The following DNAH2 variants were observed in gnomAD, a reference collection of about 807,000 sequenced individuals.
DNAH2 encodes the protein axonemal beta dynein heavy chain 2.
A neutral mutation model predicts 523.5 loss-of-function variants in DNAH2; 323 were observed. The ratio of observed to expected loss-of-function variants is 0.62; its 90% CI spans 0.56 to 0.68. DNAH2 has a LOEUF of 0.68. DNAH2 is among the 30% of genes least tolerant of loss of function. DNAH2 has a pLI of 0.00. For missense variants in DNAH2, 4,907 were observed against 5,701.5 expected (o/e 0.86, Z 4.49); for synonymous variants, 2,093 against 2,177.4 (o/e 0.96, Z 1.08).
At position 7,796,537 on chromosome 17, in the gene DNAH2, C is replaced by T; in HGVS notation, c.7748C>T (p.Pro2583Leu). Reference protein sequence around the residue: ...KLQDFEEEVKPIGNVVTEATL... With the variant: ...KLQDFEEEVKLIGNVVTEATL... Reference sequence around the variant, plus strand: ...CAGGACTTTGAGGAAGAGGTGAAGCCCATTGGGAACGTGGTGACAGAGGCC... The same window carrying T: ...CAGGACTTTGAGGAAGAGGTGAAGCTCATTGGGAACGTGGTGACAGAGGCC... The change falls in exon 50 of 86, where the codon CCC (proline) becomes CTC (leucine). Residue 2583 changes from proline to leucine, a missense_variant. Pro to Leu is a moderately conservative substitution (Grantham distance 98). Around this residue, in one of 3 missense-constraint regions of DNAH2, gnomAD observed 250 missense variants for 371.3 expected, o/e 0.67. Coordinates refer to ENST00000572933, the MANE Select transcript of DNAH2 (RefSeq NM_020877.5). The T allele has an allele frequency of 1.2e-6, 2 of 1,613,494 alleles. No individual in the cohort carries two copies. Among genetic ancestry groups the T allele is most frequent in the Non-Finnish European group, 1.7e-6 (2 of 1,179,918 alleles).
rs201225605 is a variant in DNAH2, at chr17:7,804,514, G to A, written c.9183+48G>A. The A allele has an allele frequency of 7.4e-5, 118 of 1,596,040 alleles. 2 individuals carry two copies. In the East Asian group the frequency reaches 2.3e-3, roughly 30 times the overall value. The stretch of plus-strand genomic sequence containing the variant: ...CCGTGCCCCACTCCCACCAGTGCCG[G>A]CTACTGCGTCAGGGAACCCATGTTC... On this transcript the variant is annotated intron_variant, in intron 59 of 85. Transcript: ENST00000572933.
rs1382338559 is a variant in DNAH2, at chr17:7,770,807, C to T, written c.4236C>T (p.Thr1412=). The change falls in exon 27 of 86, where the codon ACC becomes ACT. Residue 1412 remains threonine, a synonymous_variant. Transcript: ENST00000572933. ...ALEDNQVALS[T]MKASRFVKAF... is the part of the protein sequence containing the mutation. Reference sequence around the variant, plus strand: ...AAGATAACCAGGTAGCTCTGTCTACCATGAAGGCATCACGCTTTGTCAAGG... The same window carrying T: ...AAGATAACCAGGTAGCTCTGTCTACTATGAAGGCATCACGCTTTGTCAAGG... 2 of 1,614,144 alleles carry T rather than the reference C, an allele frequency of 1.2e-6. No individual in the cohort carries two copies. The highest frequency in any genetic ancestry group is 2.7e-5 in the African/African-American group (2 of 75,034).
At chr17:7,785,372 G>A (rs527669034) in intron 39 of DNAH2, among the ~76,000 whole-genome samples, 1 of 152,090 alleles carries the variant, frequency 6.6e-6, no homozygotes, top group Non-Finnish European at 1.5e-5. Context: ...CAAAGAGTTG[G>A]GATTACAGAC....
At chr17:7,753,556 T>C (rs1210885856) in intron 12 of DNAH2, among the ~76,000 whole-genome samples, 1 of 152,078 alleles carries the variant, frequency 6.6e-6, no homozygotes, top group East Asian at 1.9e-4. Context: ...GAGAGGAGGA[T>C]ACTCCTACTG....
rs1173447440 is a variant in DNAH2 at position 7,823,865 on chromosome 17, A to G, written c.11361A>G (p.Gln3787=). ...GEWENACNEM[Q]RMLIVRSLRQ... is the part of the protein sequence containing the mutation. ...GGGAAAATGCCTGCAATGAAATGCA[A>G]CGGATGCTGATCGTTCGCTCCCTGC... The change falls in exon 75 of 86, where the codon CAA becomes CAG. Residue 3787 remains glutamine, a synonymous_variant. Coordinates refer to ENST00000572933, the MANE Select transcript of DNAH2 (RefSeq NM_020877.5). 1 of 1,614,128 alleles carries G rather than the reference A, an allele frequency of 6.2e-7. No individual in the cohort carries two copies. The highest frequency in any genetic ancestry group is 8.5e-7 in the Non-Finnish European group (1 of 1,180,020).
rs2078179614 is a variant in DNAH2, at chr17:7,831,685, A to G, written c.12636A>G (p.Lys4212=). The G allele has an allele frequency of 6.2e-7, 1 of 1,614,170 alleles. No homozygotes were observed. The highest frequency in any genetic ancestry group is 1.7e-5 in the Admixed American group (1 of 60,012). Reference sequence around the variant, plus strand: ...GGTTCTCACTGACAGACCTAGAGAAAGGCATCCAGGGTCTCATCGTCATGT... The same window carrying G: ...GGTTCTCACTGACAGACCTAGAGAAGGGCATCCAGGGTCTCATCGTCATGT... ...TILFSLTDLE[K]GIQGLIVMST... Residue 4212 remains lysine, a synonymous_variant, in exon 82 of 86, where the codon AAA becomes AAG. Coordinates refer to ENST00000572933, the MANE Select transcript of DNAH2 (RefSeq NM_020877.5). The surrounding 1 kb of genome is among the most constrained non-coding windows in gnomAD (Gnocchi z 4.2).
At chr17:7,723,141 T>C (rs946718272) in intron 2 of DNAH2, among the ~76,000 whole-genome samples, 21 of 148,486 alleles carry the variant, frequency 1.4e-4, no homozygotes, top group Non-Finnish European at 3.1e-4. Flanking sequence ...GGCTAATTTT[T>C]TGTATTTTTT....
chr17:7,738,994 C>T (rs1355238551), intron 8 of DNAH2: 11 of 702,712 alleles, frequency 1.6e-5, no homozygotes, highest in Admixed American at 8.0e-5. Context: ...CTTTGTGCAG[C>T]GCTGCAAGGA....
intron 72 of DNAH2, among the ~76,000 whole-genome samples, chr17:7,820,135 C>G (rs887392758): frequency 1.2e-4 from 18 of 152,152 alleles, no homozygotes; most frequent in African/African-American, 4.1e-4. Flanking sequence ...CTTGACTCTT[C>G]CCTTTCAAAG....
chr17:7,764,273 T>C lies in DNAH2; in HGVS notation c.3336T>C (p.Ser1112=), dbSNP rs1018241074. Residue 1112 remains serine, a splice_region_variant and synonymous_variant, in exon 20 of 86, where the codon AGT becomes AGC. Coordinates refer to ENST00000572933, the MANE Select transcript of DNAH2 (RefSeq NM_020877.5). ...LEKYEVPVED[S]VLEMLDSLNG... ...AGTACGAGGTGCCAGTCGAGGACAG[T>C]GTGAGTTCCTTTGGTGTTTGGTTTA... 3.8e-6 allele frequency: 6 copies of C among 1,596,156 alleles called. No homozygotes were observed. In the African/African-American group the frequency reaches 6.7e-5, roughly 18 times the overall value.
At chr17:7,735,968 G>C (rs971541289) in intron 7 of DNAH2, among the ~76,000 whole-genome samples, 2 of 151,978 alleles carry the variant, frequency 1.3e-5, no homozygotes, top group East Asian at 1.9e-4. Flanking sequence ...GGCCAGGCTG[G>C]TCTCGAACTC....
rs535118008 is a variant in DNAH2 at position 7,801,245 on chromosome 17, G to A, written c.8700-333G>A. 4.6e-5 allele frequency among the ~76,000 whole-genome samples: 7 copies of A among 152,166 alleles called. No individual in the cohort carries two copies. In the South Asian group the frequency reaches 6.2e-4, roughly 14 times the overall value. ...CCAGGCGCTACGCTGAGCTTTTCACGTGTGACACCTCACTGAATCCCCCAA... is the reference window on the plus strand; with the variant it reads ...CCAGGCGCTACGCTGAGCTTTTCACATGTGACACCTCACTGAATCCCCCAA... On this transcript the variant is annotated intron_variant, in intron 56 of 85. Coordinates refer to ENST00000572933, the MANE Select transcript of DNAH2 (RefSeq NM_020877.5).
Position 7,719,813 on chromosome 17 carries a change from C to T in DNAH2, c.79C>T (p.Arg27Trp), listed in dbSNP as rs749778913. The change falls in exon 2 of 86, where the codon CGG becomes TGG. Residue 27 changes from arginine to tryptophan, a missense_variant. This residue lies in a region of DNAH2 where 2,806 missense variants were observed against 3,190.8 expected (regional missense o/e 0.88). Transcript: ENST00000572933. ...GGCAAGCTGGTCAGGGCGGGCCACT[C>T]GGGCTGCTGTGGCCACACAGGAGCA... ...SQASWSGRATRAAVATQEQGN... is the reference protein window; with the variant it reads ...SQASWSGRATWAAVATQEQGN... The T allele has an allele frequency of 1.6e-5, 25 of 1,612,694 alleles. 1 individual carries two copies. In the Middle Eastern group the frequency reaches 5.0e-4, roughly 32 times the overall value.
intron 12 of DNAH2, among the ~76,000 whole-genome samples, chr17:7,753,345 GCTCAGGT>G (rs1423880040): frequency 6.6e-6 from 1 of 152,196 alleles, no homozygotes; most frequent in East Asian, 1.9e-4. Flanking sequence ...GAAGCCCAGA[GCTCAGGT>G]TAGCTGTGCA....
chr17:7,753,903 G>A (rs1368557086), intron 12 of DNAH2, among the ~76,000 whole-genome samples: 1 of 152,088 alleles, frequency 6.6e-6, no homozygotes, highest in East Asian at 1.9e-4. Context: ...AGCCGAGATC[G>A]CACCACTGCA....
Position 7,832,612 on chromosome 17 carries a change from A to C in DNAH2, c.12760A>C (p.Thr4254Pro). 1 of 1,614,128 alleles carries C rather than the reference A, an allele frequency of 6.2e-7. No homozygotes were observed. The highest frequency in any genetic ancestry group is 2.2e-5 in the East Asian group (1 of 44,882). The change falls in exon 83 of 86, where the codon ACC becomes CCC. Residue 4254 changes from threonine to proline, a missense_variant. Thr to Pro is a conservative substitution (Grantham distance 38). Around this residue, in one of 3 missense-constraint regions of DNAH2, gnomAD observed 1,851 missense variants for 2,139.4 expected, o/e 0.87. Coordinates refer to ENST00000572933, the MANE Select transcript of DNAH2 (RefSeq NM_020877.5). The surrounding 1 kb of genome is among the most constrained non-coding windows in gnomAD (Gnocchi z 4.3). Reference protein sequence around the residue: ...YPSQKPLAAWTRDLAMRVEQF... With the variant: ...YPSQKPLAAWPRDLAMRVEQF... ...CTCACAAAAGCCATTGGCTGCCTGG[A>C]CCCGGGACTTGGCCATGCGTGTGGA...
Position 7,798,728 on chromosome 17 carries a change from C to G in DNAH2, c.8559+10C>G. The G allele has an allele frequency of 6.2e-7, 1 of 1,609,002 alleles. No individual in the cohort carries two copies. Among genetic ancestry groups the G allele is most frequent in the Non-Finnish European group, 8.5e-7 (1 of 1,178,638 alleles). On this transcript the variant is annotated intron_variant, in intron 55 of 85. Coordinates refer to ENST00000572933, the MANE Select transcript of DNAH2 (RefSeq NM_020877.5). The surrounding 1 kb of genome is among the most constrained non-coding windows in gnomAD (Gnocchi z 5.5). ...TGATGAATTTGAAGAGGTAGGATTC[C>G]TTCCACACCCTTGACCAGTCAGTTC... is the stretch of plus-strand genomic sequence containing the variant.
chr17:7,757,255 A>G lies in DNAH2; in HGVS notation c.2051+18A>G. 6.2e-7 allele frequency: 1 copy of G among 1,610,996 alleles called. No homozygotes were observed. Among genetic ancestry groups the G allele is most frequent in the South Asian group, 1.1e-5 (1 of 90,964 alleles). On this transcript the variant is annotated intron_variant, in intron 13 of 85. Transcript: ENST00000572933. ...TACAATAGGTAGGGCTTCAGTCCTC[A>G]CTGCAGCCCTTCAAGATGCTATTTT...
chr17:7,778,013 A>T, intron 33 of DNAH2, 64 bp from the exon 34 acceptor site: 1 of 1,438,728 alleles, frequency 7.0e-7, no homozygotes, highest in Non-Finnish European at 9.8e-7. Context: ...ACTCTCAGTC[A>T]TTGTCCCAGC....
Sources: allele counts gnomAD v4.1 joint callset (sites outside exome capture counted in the v4.1 genomes callset), GRCh38; gene constraint gnomAD v4.1.1; regional missense constraint gnomAD v4.1.1; non-coding constraint Gnocchi (gnomAD v3.1); transcripts MANE v1.5; gene names NCBI Gene and HGNC (gene_info 2026-07-23, HGNC 2026-07-21).